DCUN1D3: variants seen among roughly 807,000 people sequenced by gnomAD.
The protein encoded by DCUN1D3 is defective in cullin neddylation 1 domain containing 3, also known as DCN1-like protein 3.
DCUN1D3 carries 6 observed loss-of-function variants against 24.8 expected under a neutral mutation model. The ratio of observed to expected loss-of-function variants is 0.24; its 90% CI spans 0.13 to 0.48. The LOEUF (loss-of-function observed/expected upper bound fraction) is 0.48, where lower values mean the gene tolerates loss of function less well. DCUN1D3 is among the 20% of genes least tolerant of loss of function. The pLI, the probability that DCUN1D3 is intolerant of heterozygous loss-of-function variation, is 0.99. For missense variants in DCUN1D3, 258 were observed against 379.4 expected, an observed-to-expected ratio of 0.68 and a Z score of 2.66; for synonymous variants, 120 against 144.9, an observed-to-expected ratio of 0.83 and a Z score of 1.24.
intron 1 of DCUN1D3, among the ~76,000 whole-genome samples, chr16:20,863,762 A>G (rs1236606305): frequency 6.6e-6 from 1 of 152,162 alleles, no homozygotes; most frequent in Non-Finnish European, 1.5e-5. Flanking sequence ...AATCACTGGT[A>G]CAAAAACAGG....
intron 1 of DCUN1D3, among the ~76,000 whole-genome samples, chr16:20,865,843 T>C (rs181216234): frequency 1.1e-3 from 169 of 152,350 alleles, no homozygotes; most frequent in Middle Eastern, 3.4e-3. Context: ...GCTCTGAGTA[T>C]ACAGTAAGTT....
At position 20,860,934 on chromosome 16, in the gene DCUN1D3, A is replaced by G. The variant is rs1596627194; in HGVS notation, c.432-565T>C. 6.6e-6 allele frequency among the ~76,000 whole-genome samples: 1 copy of G among 152,340 alleles called. No homozygotes were observed. The highest frequency in any genetic ancestry group is 1.9e-4 in the East Asian group (1 of 5,190). ...CATCTATACAACCCTTTCAGCTTAC[A>G]GCATGGTCTCGCATTGATCGTCTTC... On this transcript the variant is annotated intron_variant, in intron 2 of 2. Transcript: ENST00000324344. The surrounding 1 kb of genome is among the most constrained non-coding windows in gnomAD (Gnocchi z 4.3).
chr16:20,897,327 G>C (rs115244066), intron 1 of DCUN1D3, among the ~76,000 whole-genome samples: 1 of 152,212 alleles, frequency 6.6e-6, no homozygotes, highest in Admixed American at 6.5e-5. Context: ...CACACCATTA[G>C]AGATGAATGC....
At chr16:20,872,727 G>A (rs1445524583) in intron 1 of DCUN1D3, among the ~76,000 whole-genome samples, 1 of 152,010 alleles carries the variant, frequency 6.6e-6, no homozygotes, top group Non-Finnish European at 1.5e-5. Context: ...GTACAGAGAG[G>A]CATAAAGAAA....
At position 20,860,060 on chromosome 16, in the gene DCUN1D3, A is replaced by C; in HGVS notation, c.741T>G (p.Leu247=). 1 of 1,614,274 alleles carries C rather than the reference A, an allele frequency of 6.2e-7. No individual in the cohort carries two copies. ...CAGGGCCAATCACCTGAGTGAAGTT[A>C]AGGAACATGTTCCAAGTGTCCCGGG... ...GISRDTWNMF[L]NFTQVIGPDL... The change falls in exon 3 of 3, where the codon CTT becomes CTG. Residue 247 remains leucine, a synonymous_variant. Transcript: ENST00000324344. The surrounding 1 kb of genome is among the most constrained non-coding windows in gnomAD (Gnocchi z 4.3).
intron 1 of DCUN1D3, among the ~76,000 whole-genome samples, chr16:20,875,247 C>T (rs2081808748): frequency 6.6e-6 from 1 of 151,288 alleles, no homozygotes; most frequent in Non-Finnish European, 1.5e-5. Flanking sequence ...CACACACACA[C>T]ACACACACAA....
intron 1 of DCUN1D3, among the ~76,000 whole-genome samples, chr16:20,887,604 A>G (rs1440839110): frequency 1.3e-5 from 2 of 152,226 alleles, no homozygotes; most frequent in African/African-American, 4.8e-5. Context: ...GTCCCACTAC[A>G]GTAGACTGTC....
In DCUN1D3 at chr16:20,855,157, C is replaced by T. The variant is rs2081696463; in HGVS notation, c.*4729G>A. ...CACTGGTCACAAACCAAGAGGGATCCACAAAGGTGGAGGGTCACATGAGCA... is the reference window on the plus strand; with the variant it reads ...CACTGGTCACAAACCAAGAGGGATCTACAAAGGTGGAGGGTCACATGAGCA... On this transcript the variant is annotated 3_prime_UTR_variant, in exon 3 of 3. Transcript: ENST00000324344. The T allele has an allele frequency of 6.6e-6, 1 of 152,212 alleles. No homozygotes were observed. The highest frequency in any genetic ancestry group is 1.5e-5 in the Non-Finnish European group (1 of 68,022). 9.4% of individuals were successfully genotyped at this position (152,212 alleles called of 1,614,324 possible).
intron 1 of DCUN1D3, among the ~76,000 whole-genome samples, chr16:20,864,811 T>TA (rs11434603): frequency 0.2 from 30,503 of 152,066 alleles, 3,618 homozygotes; most frequent in African/African-American, 0.33. Flanking sequence ...TATGCAGCCA[T>TA]AAAAAAGAAC....
intron 1 of DCUN1D3, among the ~76,000 whole-genome samples, chr16:20,865,468 C>T (rs4783509): frequency 0.43 from 64,900 of 152,046 alleles, 16,383 homozygotes; most frequent in Non-Finnish European, 0.58. Context: ...CTTATTCCTA[C>T]CTTCAACTGG....
chr16:20,859,978 C>G lies in DCUN1D3; in HGVS notation c.823G>C (p.Glu275Gln). The G allele has an allele frequency of 6.2e-7, 1 of 1,614,212 alleles. No homozygotes were observed. Among genetic ancestry groups the G allele is most frequent in the Non-Finnish European group, 8.5e-7 (1 of 1,180,046 alleles). ...AWPSLFDTFV[E>Q]WEMERRKREG... ...CTTTTCCTTCGCTCCATTTCCCACTCCACAAAGGTGTCAAAGAGACTTGGC... is the reference window on the plus strand; with the variant it reads ...CTTTTCCTTCGCTCCATTTCCCACTGCACAAAGGTGTCAAAGAGACTTGGC... The change falls in exon 3 of 3, where the codon GAG becomes CAG. Residue 275 changes from glutamate to glutamine, a missense_variant. Transcript: ENST00000324344.
At chr16:20,878,131 T>TC (rs1242433170) in intron 1 of DCUN1D3, among the ~76,000 whole-genome samples, 2 of 151,876 alleles carry the variant, frequency 1.3e-5, no homozygotes, top group African/African-American at 2.4e-5. Flanking sequence ...TTTCTTGGAC[T>TC]CCCCCCATTC....
chr16:20,875,210 G>GCACGCGCACA (rs1555497073), intron 1 of DCUN1D3, among the ~76,000 whole-genome samples: 8 of 140,256 alleles, frequency 5.7e-5, no homozygotes, highest in African/African-American at 2.1e-4. Context: ...GTGCGCTCAT[G>GCACGCGCACA]CACACACACA....
intron 1 of DCUN1D3, among the ~76,000 whole-genome samples, chr16:20,873,604 G>C (rs939800203): frequency 1.3e-5 from 2 of 152,226 alleles, no homozygotes; most frequent in African/African-American, 4.8e-5. Flanking sequence ...TCTTCATCAG[G>C]TGATTACCCA....
intron 1 of DCUN1D3, among the ~76,000 whole-genome samples, chr16:20,882,349 T>C (rs541813157): frequency 6.7e-6 from 1 of 149,960 alleles, no homozygotes; most frequent in Non-Finnish European, 1.5e-5. Context: ...ACCTCCCGGG[T>C]TCAAGCAATT....
intron 1 of DCUN1D3, among the ~76,000 whole-genome samples, chr16:20,883,352 A>T (rs1032598869): frequency 6.6e-6 from 1 of 152,166 alleles, no homozygotes; most frequent in African/African-American, 2.4e-5. Flanking sequence ...CTCTACTAAA[A>T]ATACAAAACA....
At position 20,860,378 on chromosome 16, in the gene DCUN1D3, G is replaced by A. The variant is rs1359696793; in HGVS notation, c.432-9C>T. On this transcript the variant is annotated splice_polypyrimidine_tract_variant and intron_variant, in intron 2 of 2. Transcript: ENST00000324344. This position sits in a 1 kb window ranked among gnomAD's most constrained non-coding sequence, Gnocchi z 4.3. Reference sequence around the variant, plus strand: ...CATCAAAAAACTCCTTCCTGCAACAGAAAGGAAAAGGACAATTAATCATTA... The same window carrying A: ...CATCAAAAAACTCCTTCCTGCAACAAAAAGGAAAAGGACAATTAATCATTA... The A allele has an allele frequency of 1.2e-6, 2 of 1,606,226 alleles. No homozygotes were observed. Among genetic ancestry groups the A allele is most frequent in the Non-Finnish European group, 8.5e-7 (1 of 1,175,920 alleles).
rs900613632 is a variant in DCUN1D3, at chr16:20,857,489, T to A, written c.*2397A>T. ...TTTTGTGCAGCTTTCTCTGATACAC[T>A]CTGATCTGGGATGGAAAGGGCCTTA... On this transcript the variant is annotated 3_prime_UTR_variant, in exon 3 of 3. Transcript: ENST00000324344. 7 of 152,262 alleles carry A rather than the reference T, an allele frequency of 4.6e-5. No individual in the cohort carries two copies. The highest frequency in any genetic ancestry group is 1.7e-4 in the African/African-American group (7 of 41,448). 9.4% of individuals were successfully genotyped at this position (152,262 alleles called of 1,614,324 possible). A position where few individuals can be genotyped will look rare whatever the true frequency, so the allele number is the denominator to read the frequency against.
chr16:20,861,792 T>TAC (rs2081734762), intron 2 of DCUN1D3, among the ~76,000 whole-genome samples: 1 of 150,902 alleles, frequency 6.6e-6, no homozygotes, highest in South Asian at 2.1e-4. Context: ...AACCATAGCG[T>TAC]ACACATTAGA....
Sources: gnomAD v4.1 joint callset for allele counts (sites outside exome capture counted in the v4.1 genomes callset) on GRCh38, gnomAD v4.1.1 for gene constraint, Gnocchi (gnomAD v3.1) non-coding constraint, MANE v1.5 for transcripts, NCBI Gene and HGNC (gene_info 2026-07-23, HGNC 2026-07-21) for gene names.